The following IQCM variants were observed in gnomAD, a reference collection of about 807,000 sequenced individuals.
IQCM encodes IQ domain-containing protein M.
Under a neutral mutation model 57.6 loss-of-function variants are expected in IQCM, and 45 were observed. The ratio of observed to expected loss-of-function variants is 0.78; its 90% CI spans 0.62 to 1.00. The LOEUF (loss-of-function observed/expected upper bound fraction) is 1.00. Ranked by LOEUF, IQCM falls within the 50% of genes least tolerant of loss-of-function variation. The pLI is 0.00. For missense variants in IQCM, 468 were observed against 511.6 expected, an observed-to-expected ratio of 0.91 and a Z score of 0.82; for synonymous variants, 148 against 158.9, an observed-to-expected ratio of 0.93 and a Z score of 0.51.
At chr4:149,807,645 AC>A (rs1292921606) in intron 2 of IQCM, among the ~76,000 whole-genome samples, 1 of 152,148 alleles carries the variant, frequency 6.6e-6, no homozygotes, top group African/African-American at 2.4e-5. Context: ...TGAAGAGACA[AC>A]CCATAGAATG....
At chr4:149,445,622 T>G (rs1057079338) in intron 12 of IQCM, among the ~76,000 whole-genome samples, 14 of 151,776 alleles carry the variant, frequency 9.2e-5, no homozygotes, top group Non-Finnish European at 1.5e-5. Flanking sequence ...AGGGTAATTG[T>G]TATCATCATT....
At chr4:149,373,346 G>T (rs1416523381) in intron 13 of IQCM, among the ~76,000 whole-genome samples, 1 of 152,074 alleles carries the variant, frequency 6.6e-6, no homozygotes, top group East Asian at 1.9e-4. Context: ...TAAGTGGGGT[G>T]TCTGAATCCA....
At chr4:149,364,609 G>A (rs145079714) in intron 13 of IQCM, among the ~76,000 whole-genome samples, 1,678 of 152,164 alleles carry the variant, frequency 0.011, 12 homozygotes, top group Non-Finnish European at 0.017. Flanking sequence ...CCAGATGAAA[G>A]GAAATGAGAG....
At chr4:149,385,661 C>A (rs896309501) in intron 13 of IQCM, among the ~76,000 whole-genome samples, 1 of 152,060 alleles carries the variant, frequency 6.6e-6, no homozygotes, top group Non-Finnish European at 1.5e-5. Context: ...GTCTTCTTTA[C>A]TGTAGATATT....
chr4:149,667,682 A>G (rs1760860899), intron 7 of IQCM, among the ~76,000 whole-genome samples: 1 of 152,022 alleles, frequency 6.6e-6, no homozygotes, highest in African/African-American at 2.4e-5. Flanking sequence ...AAGAACCTTG[A>G]TAAAAGGTTA....
chr4:149,706,935 T>C (rs540959842), intron 5 of IQCM, among the ~76,000 whole-genome samples: 2 of 152,152 alleles, frequency 1.3e-5, no homozygotes, highest in African/African-American at 4.8e-5. Context: ...TTCATTGTTT[T>C]GAGTCTATTT....
At chr4:149,739,009 T>C (rs1015545433) in intron 3 of IQCM, among the ~76,000 whole-genome samples, 1 of 152,164 alleles carries the variant, frequency 6.6e-6, no homozygotes, top group Non-Finnish European at 1.5e-5. Flanking sequence ...TAGTCAATAA[T>C]CTTTGAGGCT....
At chr4:149,459,503 T>C (rs922822046) in intron 12 of IQCM, among the ~76,000 whole-genome samples, 1 of 152,196 alleles carries the variant, frequency 6.6e-6, no homozygotes, top group Non-Finnish European at 1.5e-5. Flanking sequence ...TTGAGTGGTA[T>C]TAAATGCATT....
chr4:149,735,238 C>A (rs565748981), intron 4 of IQCM, 138 bp downstream of exon 4: 3 of 404,190 alleles, frequency 7.4e-6, no homozygotes, highest in Non-Finnish European at 1.3e-5. Context: ...AGCTAGTGAG[C>A]ATTTCATTTT....
chr4:149,564,040 G>A (rs1166457886), intron 9 of IQCM, 150 bp from the exon 10 acceptor site: 9 of 429,226 alleles, frequency 2.1e-5, no homozygotes, highest in Non-Finnish European at 3.5e-5. Flanking sequence ...ACCAGGACAT[G>A]TCAATAAGGA....
chr4:149,667,922 C>G (rs563350808), intron 7 of IQCM, among the ~76,000 whole-genome samples: 4 of 152,016 alleles, frequency 2.6e-5, no homozygotes, highest in African/African-American at 4.8e-5. Context: ...AAATATGGCA[C>G]TATGTGAAAA....
intron 13 of IQCM, among the ~76,000 whole-genome samples, chr4:149,374,890 G>A (rs1730598869): frequency 6.6e-6 from 1 of 151,878 alleles, no homozygotes; most frequent in Admixed American, 6.6e-5. Context: ...GCTATAAAAT[G>A]TAATTGTCTT....
rs866610879 is a variant in IQCM, at chr4:149,680,573, C to A, written c.565+1545G>T. 5.1e-4 allele frequency among the ~76,000 whole-genome samples: 77 copies of A among 151,286 alleles called. 1 individual carries two copies. Among genetic ancestry groups the A allele is most frequent in the Admixed American group, 2.8e-3 (43 of 15,128 alleles). On this transcript the variant is annotated intron_variant, in intron 7 of 13. Coordinates refer to ENST00000636793, the MANE Select transcript of IQCM (RefSeq NM_001363507.2). The stretch of plus-strand genomic sequence containing the variant: ...CCTTTTTAATTTACATTTGTTCATT[C>A]ATTTAACATATGGTTATTAGCACCT...
chr4:149,480,251 T>C (rs1224983177), intron 12 of IQCM, among the ~76,000 whole-genome samples: 1 of 152,170 alleles, frequency 6.6e-6, no homozygotes, highest in Non-Finnish European at 1.5e-5. Flanking sequence ...AGGGATGCAA[T>C]GCATAATAAA....
rs1051988414 is a variant in IQCM, at chr4:149,733,426, A to C, written c.203T>G (p.Ile68Ser). Residue 68 changes from isoleucine (I) to serine (S), a missense_variant, in exon 5 of 14, where the codon ATT becomes AGT. Coordinates refer to ENST00000636793, the MANE Select transcript of IQCM (RefSeq NM_001363507.2). ...PKSGKYIPLEIDKKVTRDVVQ... is the reference protein window; with the variant it reads ...PKSGKYIPLESDKKVTRDVVQ... ...CACATCACGTGTTACCTTTTTGTCA[A>C]TCTCCAAAGGTATGTATTTGCCAGA... The C allele has an allele frequency of 4.9e-6, 6 of 1,231,620 alleles. No individual in the cohort carries two copies. The African/African-American group carries it at 9.3e-5, about 19-fold the overall frequency. 76.3% of individuals were successfully genotyped at this position (1,231,620 alleles called of 1,614,324 possible).
chr4:149,449,123 G>A (rs1240656789), intron 12 of IQCM, among the ~76,000 whole-genome samples: 1 of 150,368 alleles, frequency 6.7e-6, no homozygotes, highest in Non-Finnish European at 1.5e-5. Context: ...ATAGATCATG[G>A]ACTTGAGGTA....
intron 12 of IQCM, among the ~76,000 whole-genome samples, chr4:149,528,399 A>AC (rs1444702160): frequency 2.1e-5 from 2 of 95,584 alleles, no homozygotes; most frequent in Non-Finnish European, 5.8e-5. Context: ...TCTTTGAGTT[A>AC]AGGCATTAAA....
At chr4:149,428,221 A>T (rs1560826423) in intron 13 of IQCM, among the ~76,000 whole-genome samples, 1 of 151,892 alleles carries the variant, frequency 6.6e-6, no homozygotes, top group Non-Finnish European at 1.5e-5. Flanking sequence ...TTACAAGAAA[A>T]TATGACAAAA....
chr4:149,675,284 T>C (rs957077158), intron 7 of IQCM, among the ~76,000 whole-genome samples: 4 of 151,972 alleles, frequency 2.6e-5, no homozygotes, highest in Non-Finnish European at 5.9e-5. Context: ...TATAGTTTGA[T>C]GACATGAGAT....
Sources: gnomAD v4.1 joint callset for allele counts (sites outside exome capture counted in the v4.1 genomes callset) on GRCh38, gnomAD v4.1.1 for gene constraint, MANE v1.5 for transcripts, NCBI Gene and HGNC (gene_info 2026-07-23, HGNC 2026-07-21) for gene names.